Variants in LEUTX observed in about 807,000 individuals in gnomAD.
LEUTX encodes the protein paired-like homeodomain transcription factor LEUTX.
In LEUTX, 5 loss-of-function variants were observed where a neutral mutation model predicts 4.5. That is an observed-to-expected ratio of 1.11 (90% confidence interval 0.58 to 2.34). The LOEUF (loss-of-function observed/expected upper bound fraction) is 2.34, where lower values mean the gene tolerates loss of function less well. Among genes scored for constraint, LEUTX ranks in the 30% most tolerant of loss-of-function variants. LEUTX has a pLI of 0.01. For missense variants in LEUTX, 233 were observed against 239.4 expected, an observed-to-expected ratio of 0.97 and a Z score of 0.18; for synonymous variants, 89 against 85.1, an observed-to-expected ratio of 1.05 and a Z score of -0.25.
At chr19:39,782,982 C>T (rs562153421) in intron 1 of LEUTX, among the ~76,000 whole-genome samples, 1 of 152,002 alleles carries the variant, frequency 6.6e-6, no homozygotes, top group African/African-American at 2.4e-5. Flanking sequence ...ACCCACCAAC[C>T]GAGCAGCATA....
chr19:39,785,089 A>T (rs1967945515), intron 2 of LEUTX, among the ~76,000 whole-genome samples: 1 of 152,138 alleles, frequency 6.6e-6, no homozygotes, highest in Non-Finnish European at 1.5e-5. Flanking sequence ...GAACACCTGG[A>T]TGAACCCTAA....
chr19:39,776,549 G>A, upstream of LEUTX: 1 of 454,232 alleles, frequency 2.2e-6, no homozygotes, highest in South Asian at 1.6e-5. Flanking sequence ...CTGAAAGTAA[G>A]GGGAGGGTGT....
At position 39,786,084 on chromosome 19, in the gene LEUTX, A is replaced by G. The variant is rs540263352; in HGVS notation, c.546A>G (p.Gln182=). 9.7e-6 allele frequency: 15 copies of G among 1,549,224 alleles called. No homozygotes were observed. In the South Asian group the frequency reaches 1.1e-4, roughly 11 times the overall value. The change falls in exon 3 of 3, where the codon CAA becomes CAG. Residue 182 remains glutamine (Q), a synonymous_variant. Coordinates refer to ENST00000638280, the MANE Select transcript of LEUTX (RefSeq NM_001382345.1). The part of the protein sequence containing the change: ...PGEDDTSSLN[Q]YLFPVCLEYD... ...AAGATGACACCAGCAGCCTAAATCA[A>G]TATCTTTTTCCAGTATGCCTTGAGT...
chr19:39,786,231 A>G lies in LEUTX; in HGVS notation c.*96A>G. On this transcript the variant is annotated 3_prime_UTR_variant, in exon 3 of 3. Transcript: ENST00000638280. ...GGTTTGACCCCAGTCTAAGTAGATC[A>G]GGGGCTGGGAATTTATCTTTTTCTG... 1 of 889,044 alleles carries G rather than the reference A, an allele frequency of 1.1e-6. No homozygotes were observed. Among genetic ancestry groups the G allele is most frequent in the Non-Finnish European group, 1.6e-6 (1 of 614,050 alleles). The allele number at this position is 889,044 out of a possible 1,614,324, so 55.1% of individuals were successfully genotyped here. A position where few individuals can be genotyped will look rare whatever the true frequency, so the allele number is the denominator to read the frequency against.
intron 1 of LEUTX, among the ~76,000 whole-genome samples, chr19:39,782,393 C>T (rs976373584): frequency 6.6e-6 from 1 of 152,074 alleles, no homozygotes; most frequent in Non-Finnish European, 1.5e-5. Flanking sequence ...TCCCCTTTTG[C>T]TTAGGTCTCA....
chr19:39,784,474 T>A, intron 1 of LEUTX, 53 bp from the exon 2 acceptor site: 1 of 709,794 alleles, frequency 1.4e-6, no homozygotes, highest in Admixed American at 2.0e-5. Flanking sequence ...AGTACTCTCC[T>A]CATTTCCTTC....
In LEUTX at chr19:39,786,225, T is replaced by A; in HGVS notation, c.*90T>A. The stretch of plus-strand genomic sequence containing the variant: ...TTTAATGGTTTGACCCCAGTCTAAG[T>A]AGATCAGGGGCTGGGAATTTATCTT... On this transcript the variant is annotated 3_prime_UTR_variant, in exon 3 of 3. Coordinates refer to ENST00000638280, the MANE Select transcript of LEUTX (RefSeq NM_001382345.1). 1.0e-6 allele frequency: 1 copy of A among 963,538 alleles called. No homozygotes were observed. The highest frequency in any genetic ancestry group is 1.5e-6 in the Non-Finnish European group (1 of 671,744). The allele number at this position is 963,538 out of a possible 1,614,324, so 59.7% of individuals were successfully genotyped here.
In LEUTX at chr19:39,785,821, A is replaced by G. The variant is rs774471747; in HGVS notation, c.283A>G (p.Ile95Val). Residue 95 changes from isoleucine to valine, a missense_variant, in exon 3 of 3, where the codon ATA becomes GTA. Physicochemically the swap from Ile to Val is conservative, Grantham distance 29. Transcript: ENST00000638280. Reference protein sequence around the residue: ...SVKKEETPSAITTANIRPVSP... With the variant: ...SVKKEETPSAVTTANIRPVSP... ...GAAGAAGGAGGAGACTCCCTCAGCC[A>G]TAACTACTGCAAACATTCGTCCAGT... 8 of 1,551,784 alleles carry G rather than the reference A, an allele frequency of 5.2e-6. No homozygotes were observed. The African/African-American group carries it at 6.8e-5, about 13-fold the overall frequency.
At chr19:39,782,999 A>G (rs1208216071) in intron 1 of LEUTX, among the ~76,000 whole-genome samples, 1 of 151,936 alleles carries the variant, frequency 6.6e-6, no homozygotes, top group Non-Finnish European at 1.5e-5. Context: ...CATACACTGC[A>G]CCATATTTGT....
chr19:39,779,265 T>A (rs1248008321), intron 1 of LEUTX, among the ~76,000 whole-genome samples: 1 of 152,168 alleles, frequency 6.6e-6, no homozygotes, highest in Admixed American at 6.5e-5. Flanking sequence ...TTTTTAAATT[T>A]TTTGTAGAGA....
intron 1 of LEUTX, among the ~76,000 whole-genome samples, chr19:39,781,455 T>G (rs1967886315): frequency 6.6e-6 from 1 of 152,196 alleles, no homozygotes. Context: ...CCCCTCCAAA[T>G]CTCATGTTGA....
rs192597536 is a variant in LEUTX at position 39,783,035 on chromosome 19, C to T, written c.8-1492C>T. ...AGTCTTTTATCCCTCACCCCCTTCC[C>T]ACCCTTTCCCCCGAATCCCCAAAGT... On this transcript the variant is annotated intron_variant, in intron 1 of 2. Coordinates refer to ENST00000638280, the MANE Select transcript of LEUTX (RefSeq NM_001382345.1). Among the ~76,000 whole-genome samples, 759 of 151,772 alleles carry T rather than the reference C, an allele frequency of 5.0e-3. 8 individuals carry two copies. The highest frequency in any genetic ancestry group is 0.018 in the African/African-American group (728 of 41,348).
chr19:39,778,085 T>A (rs780888325), upstream of LEUTX, among the ~76,000 whole-genome samples: 2 of 151,948 alleles, frequency 1.3e-5, no homozygotes, highest in African/African-American at 4.8e-5. Flanking sequence ...TGAATTACAC[T>A]CACCCCACAA....
At chr19:39,785,626 T>C (rs1967955037) in intron 2 of LEUTX, 72 bp from the exon 3 acceptor site, 1 of 1,247,884 alleles carries the variant, frequency 8.0e-7, no homozygotes, top group Non-Finnish European at 1.1e-6. Flanking sequence ...AAAAACCGAA[T>C]TCCTGAGGAA....
intron 1 of LEUTX, among the ~76,000 whole-genome samples, chr19:39,783,476 ATC>A (rs1967918323): frequency 6.6e-6 from 1 of 151,424 alleles, no homozygotes; most frequent in African/African-American, 2.4e-5. Flanking sequence ...ATGTGCAAGT[ATC>A]TTTTTTGTAT....
intron 1 of LEUTX, among the ~76,000 whole-genome samples, chr19:39,779,417 G>A (rs1460622832): frequency 2.6e-5 from 4 of 152,116 alleles, no homozygotes; most frequent in Non-Finnish European, 5.9e-5. Flanking sequence ...TTACTAACCC[G>A]TGTGATTGAA....
chr19:39,780,039 G>C (rs1376837040), intron 1 of LEUTX, among the ~76,000 whole-genome samples: 1 of 152,246 alleles, frequency 6.6e-6, no homozygotes, highest in East Asian at 1.9e-4. Context: ...GTATTTCTTG[G>C]CTGGGGACAT....
chr19:39,779,303 G>A (rs1050974374), intron 1 of LEUTX, among the ~76,000 whole-genome samples: 5 of 152,220 alleles, frequency 3.3e-5, no homozygotes, highest in African/African-American at 7.2e-5. Context: ...GCCTAAGGTC[G>A]TCTTGAACTC....
At chr19:39,784,921 A>G (rs1164832179) in intron 2 of LEUTX, among the ~76,000 whole-genome samples, 1 of 151,930 alleles carries the variant, frequency 6.6e-6, no homozygotes, top group Non-Finnish European at 1.5e-5. Flanking sequence ...GACCTTTCCA[A>G]CTCCAGACCC....
Sources: allele counts gnomAD v4.1 joint callset (sites outside exome capture counted in the v4.1 genomes callset), GRCh38; gene constraint gnomAD v4.1.1; transcripts MANE v1.5; gene names NCBI Gene and HGNC (gene_info 2026-07-23, HGNC 2026-07-21).